The following LTBP2 variants were observed in gnomAD, a reference collection of about 807,000 sequenced individuals.
The protein encoded by LTBP2 is latent transforming growth factor beta binding protein 2, also known as latent-transforming growth factor beta-binding protein 2.
Under a neutral mutation model 210.6 loss-of-function variants are expected in LTBP2, and 103 were observed. The observed-to-expected ratio is 0.49, with a 90% CI of 0.42 to 0.58. The LOEUF (loss-of-function observed/expected upper bound fraction) is 0.58, where lower values mean the gene tolerates loss of function less well. Among genes scored for constraint, LTBP2 ranks in the 20% least tolerant of loss-of-function variants. The pLI is 0.00. For synonymous variants in LTBP2, 1,007 were observed against 1,015.0 expected (o/e 0.99, Z 0.15); for missense variants, 2,313 against 2,494.5 (o/e 0.93, Z 1.55).
intron 1 of LTBP2, 80 bp downstream of exon 1, chr14:74,611,371 C>T: frequency 1.5e-6 from 2 of 1,376,964 alleles, no homozygotes; most frequent in East Asian, 2.7e-5. Context: ...GCGGCGCCCT[C>T]TCCTCTCGCC....
chr14:74,551,030 G>A (rs748934079), intron 7 of LTBP2, 34 bp downstream of exon 7: 6 of 1,612,860 alleles, frequency 3.7e-6, no homozygotes, highest in East Asian at 2.2e-5. Flanking sequence ...CATCCTGGAA[G>A]CATCCAGGGC....
intron 10 of LTBP2, among the ~76,000 whole-genome samples, chr14:74,531,494 C>A (rs750566049): frequency 2.0e-5 from 3 of 152,200 alleles, no homozygotes; most frequent in Non-Finnish European, 2.9e-5. Context: ...CTGACATGTT[C>A]TCCCCACTCT....
intron 3 of LTBP2, among the ~76,000 whole-genome samples, chr14:74,572,769 A>C (rs1297451505): frequency 6.6e-6 from 1 of 151,750 alleles, no homozygotes; most frequent in Non-Finnish European, 1.5e-5. Flanking sequence ...ACACACACAT[A>C]CCCCCGCAGA....
chr14:74,551,823 CTAA>C (rs761393894), intron 6 of LTBP2, among the ~76,000 whole-genome samples: 25 of 152,150 alleles, frequency 1.6e-4, no homozygotes, highest in Non-Finnish European at 3.1e-4. Flanking sequence ...TTTTTGGCAC[CTAA>C]TAATGGAAGG....
At chr14:74,541,494 A>C (rs531905473) in intron 8 of LTBP2, among the ~76,000 whole-genome samples, 1 of 152,322 alleles carries the variant, frequency 6.6e-6, no homozygotes, top group African/African-American at 2.4e-5. Context: ...AGGTTCATCC[A>C]TAAAATGGAT....
At chr14:74,579,525 G>A (rs1233055168) in intron 3 of LTBP2, among the ~76,000 whole-genome samples, 1 of 152,250 alleles carries the variant, frequency 6.6e-6, no homozygotes, top group African/African-American at 2.4e-5. Flanking sequence ...CAGGGCTCCT[G>A]TGGAGCCGTG....
chr14:74,506,038 C>T lies in LTBP2; in HGVS notation c.4177+10G>A. 6.2e-7 allele frequency: 1 copy of T among 1,614,038 alleles called. No homozygotes were observed. The highest frequency in any genetic ancestry group is 8.5e-7 in the Non-Finnish European group (1 of 1,180,016). On this transcript the variant is annotated intron_variant, in intron 28 of 35. Coordinates refer to ENST00000261978, the MANE Select transcript of LTBP2 (RefSeq NM_000428.3). ...GAGTCACCATGGATAATGTGTCTCC[C>T]AGGCCTCACCTCCAGCCCCCCGTGG...
intron 2 of LTBP2, among the ~76,000 whole-genome samples, chr14:74,588,284 C>T (rs916165777): frequency 6.6e-6 from 1 of 152,142 alleles, no homozygotes; most frequent in Non-Finnish European, 1.5e-5. Flanking sequence ...TGCAATGACG[C>T]GATCTCGGCT....
At chr14:74,508,402 G>A (rs1164161190) in intron 24 of LTBP2, among the ~76,000 whole-genome samples, 1 of 152,094 alleles carries the variant, frequency 6.6e-6, no homozygotes, top group Non-Finnish European at 1.5e-5. Context: ...CTCCCTCCCT[G>A]AGCCCCGGGC....
chr14:74,536,454 A>G (rs1280060816), intron 8 of LTBP2, among the ~76,000 whole-genome samples: 1 of 152,218 alleles, frequency 6.6e-6, no homozygotes, highest in Non-Finnish European at 1.5e-5. Flanking sequence ...TTGCTAAGAG[A>G]GTAGATTTTA....
intron 3 of LTBP2, among the ~76,000 whole-genome samples, chr14:74,571,609 C>T (rs2087979588): frequency 1.3e-5 from 2 of 152,206 alleles, no homozygotes; most frequent in Admixed American, 1.3e-4. Flanking sequence ...GAGCCTCTGA[C>T]CTTGTCCCAA....
Position 74,552,960 on chromosome 14 carries a change from CT to C in LTBP2, c.1123del (p.Arg375GlyfsTer31). 2 of 1,614,108 alleles carry C rather than the reference CT, an allele frequency of 1.2e-6. No individual in the cohort carries two copies. The highest frequency in any genetic ancestry group is 1.3e-5 in the African/African-American group (1 of 75,054). On this transcript the variant is annotated frameshift_variant, in exon 5 of 36. Coordinates refer to ENST00000261978, the MANE Select transcript of LTBP2 (RefSeq NM_000428.3). LOFTEE classifies it high-confidence loss of function. ...GCTGTACAGGGTGGTGGTGTCGCCC[CT>C]CTCACAGCTGTTGGCACAGTGTCCA... ...ARGHCANSCE[R>X]GDTTTLYSQG...
intron 26 of LTBP2, 57 bp from the exon 27 acceptor site, chr14:74,506,880 C>CGCGCGCATGCGCGCGCAT (rs1555347806): frequency 6.6e-7 from 1 of 1,514,182 alleles, no homozygotes; most frequent in East Asian, 2.4e-5. Flanking sequence ...TGTGTGTGTG[C>CGCGCGCATGCGCGCGCAT]GCGCGCGCGT....
rs150977144 is a variant in LTBP2, at chr14:74,552,329, G to A, written c.1257C>T (p.Pro419=). The A allele has an allele frequency of 3.1e-5, 50 of 1,612,396 alleles. 1 individual carries two copies. Among genetic ancestry groups the A allele is most frequent in the South Asian group, 4.4e-5 (4 of 91,094 alleles). The change falls in exon 6 of 36, where the codon CCC becomes CCT. Residue 419 remains proline (P), a synonymous_variant. Coordinates refer to ENST00000261978, the MANE Select transcript of LTBP2 (RefSeq NM_000428.3). The part of the protein sequence containing the change: ...RCIGRDECWC[P]ANSTGKFCHL... ...GGCAGAACTTCCCGGTGGAGTTGGC[G>A]GGGCACCAGCATTCGTCCCTGCCGA...
At chr14:74,552,495 T>A in intron 5 of LTBP2, 102 bp from the exon 6 acceptor site, 1 of 1,095,694 alleles carries the variant, frequency 9.1e-7, no homozygotes, top group Non-Finnish European at 1.4e-6. Context: ...ACCCTGACCC[T>A]AGATGGCTCC....
chr14:74,528,039 C>T (rs974681336), intron 12 of LTBP2, among the ~76,000 whole-genome samples: 4 of 152,220 alleles, frequency 2.6e-5, no homozygotes, highest in Admixed American at 1.3e-4. Flanking sequence ...CCTCCAGCCC[C>T]GTGCCTCTGG....
At chr14:74,611,422 C>A in intron 1 of LTBP2, 29 bp downstream of exon 1, 3 of 1,468,168 alleles carry the variant, frequency 2.0e-6, no homozygotes, top group South Asian at 2.9e-5. Flanking sequence ...CCCCTCTGTA[C>A]CCTCCAAACT....
intron 6 of LTBP2, 95 bp downstream of exon 6, chr14:74,552,092 G>T (rs960530070): frequency 4.2e-6 from 5 of 1,192,250 alleles, no homozygotes; most frequent in Non-Finnish European, 6.0e-6. Context: ...AGGACTACAG[G>T]CAGCTTCCCT....
chr14:74,503,839 C>A, intron 31 of LTBP2, 87 bp downstream of exon 31: 4 of 1,573,748 alleles, frequency 2.5e-6, no homozygotes, highest in Non-Finnish European at 3.5e-6. Flanking sequence ...GGACTCTCAG[C>A]AATAATGGGA....
Sources: allele counts gnomAD v4.1 joint callset (sites outside exome capture counted in the v4.1 genomes callset), GRCh38; gene constraint gnomAD v4.1.1; transcripts MANE v1.5; gene names NCBI Gene and HGNC (gene_info 2026-07-23, HGNC 2026-07-21).